The following TMEM114 variants were observed in gnomAD, a reference collection of about 807,000 sequenced individuals.
TMEM114 encodes claudin-26.
Under a neutral mutation model 6.2 loss-of-function variants are expected in TMEM114, and 6 were observed. The ratio of observed to expected loss-of-function variants is 0.97; its 90% confidence interval spans 0.53 to 1.91. The LOEUF is 1.91. Ranked by LOEUF, TMEM114 falls within the 40% of genes most tolerant of loss-of-function variation. The pLI is 0.01. For missense variants in TMEM114, 218 were observed against 158.3 expected, an observed-to-expected ratio of 1.38 and a Z score of -2.02; for synonymous variants, 104 against 73.0, an observed-to-expected ratio of 1.42 and a Z score of -2.16.
At chr16:8,575,704 G>A (rs1304542141) in intron 2 of TMEM114, among the ~76,000 whole-genome samples, 1 of 152,216 alleles carries the variant, frequency 6.6e-6, no homozygotes, top group Non-Finnish European at 1.5e-5. Flanking sequence ...CACTTTACAG[G>A]ATTGTGTACT....
At chr16:8,564,215 G>GAGGAAATA (rs1901425093) in intron 2 of TMEM114, among the ~76,000 whole-genome samples, 1 of 133,736 alleles carries the variant, frequency 7.5e-6, no homozygotes, top group African/African-American at 2.9e-5. Context: ...GTGAATGAGT[G>GAGGAAATA]AGTTAGTGAA....
chr16:8,537,006 G>C (rs1457931755), downstream of TMEM114, among the ~76,000 whole-genome samples: 1 of 151,876 alleles, frequency 6.6e-6, no homozygotes, highest in African/African-American at 2.4e-5. Context: ...AGGAGTTGGA[G>C]ACCAGCCTGG....
intron 2 of TMEM114, among the ~76,000 whole-genome samples, chr16:8,578,670 C>A (rs8047196): frequency 1.3e-5 from 2 of 151,956 alleles, no homozygotes; most frequent in Admixed American, 1.3e-4. Context: ...GGTTATTACA[C>A]GGAATTACTA....
intron 2 of TMEM114, among the ~76,000 whole-genome samples, chr16:8,578,551 C>T (rs1195866974): frequency 1.3e-5 from 2 of 152,188 alleles, no homozygotes; most frequent in South Asian, 2.1e-4. Context: ...AAGTCACATT[C>T]GCAGGTACTG....
At chr16:8,553,057 T>G (rs1486365473) in intron 2 of TMEM114, among the ~76,000 whole-genome samples, 4 of 152,230 alleles carry the variant, frequency 2.6e-5, no homozygotes, top group African/African-American at 9.6e-5. Flanking sequence ...CAGGTTTTTC[T>G]TCCGACTTCT....
At chr16:8,561,929 TGAG>T (rs1596477795) in intron 2 of TMEM114, among the ~76,000 whole-genome samples, 1 of 19,532 alleles carries the variant, frequency 5.1e-5, no homozygotes, top group East Asian at 3.0e-3. Flanking sequence ...AGTGAATGAG[TGAG>T]TGAGTAAGTG....
chr16:8,564,293 G>A (rs1456405311), intron 2 of TMEM114, among the ~76,000 whole-genome samples: 5 of 144,664 alleles, frequency 3.5e-5, no homozygotes, highest in Admixed American at 6.9e-5. Flanking sequence ...GATGAAATAA[G>A]TGAATGAGTG....
chr16:8,557,625 C>T (rs951157105), intron 2 of TMEM114, among the ~76,000 whole-genome samples: 2 of 152,222 alleles, frequency 1.3e-5, no homozygotes, highest in African/African-American at 4.8e-5. Context: ...CCCTTAAGAA[C>T]ACAGGTGCTG....
chr16:8,563,325 A>ATGAGTGAGTGAATGGG (rs1901353947), intron 2 of TMEM114, among the ~76,000 whole-genome samples: 1 of 115,788 alleles, frequency 8.6e-6, no homozygotes, highest in Admixed American at 8.5e-5. Context: ...GAGGGAGGGT[A>ATGAGTGAGTGAATGGG]TGAGTGAGTG....
chr16:8,557,034 G>C, intron 2 of TMEM114, among the ~76,000 whole-genome samples: 1 of 152,138 alleles, frequency 6.6e-6, no homozygotes, highest in East Asian at 1.9e-4. Context: ...TAATGAATCG[G>C]TGAGGCTTGA....
chr16:8,569,789 T>C lies in TMEM114; in HGVS notation c.656A>G (p.Gln219Arg), dbSNP rs373584493. 1 of 1,550,490 alleles carries C rather than the reference T, an allele frequency of 6.4e-7. No individual in the cohort carries two copies. Among genetic ancestry groups the C allele is most frequent in the African/African-American group, 1.4e-5 (1 of 73,136 alleles). ...AARELSLRRR[Q>R]DQAI The stretch of plus-strand genomic sequence containing the variant: ...CGCCCAGGCTCATATGGCCTGGTCC[T>C]GCCTCCGTCTCAGGCTGAGCTCGCG... Residue 219 changes from glutamine (Q) to arginine (R), a missense_variant, in exon 4 of 4, where the codon CAG becomes CGG. Transcript: ENST00000620492.
intron 1 of TMEM114, 149 bp downstream of exon 1, chr16:8,589,470 C>G: frequency 2.5e-6 from 1 of 397,996 alleles, no homozygotes; most frequent in Non-Finnish European, 4.4e-6. Flanking sequence ...CAGTCCCGGC[C>G]TTCTGCTCAC....
intron 2 of TMEM114, among the ~76,000 whole-genome samples, chr16:8,552,720 A>G (rs1156920011): frequency 6.7e-6 from 1 of 150,286 alleles, no homozygotes; most frequent in African/African-American, 2.5e-5. Flanking sequence ...AAAAAAAAAA[A>G]GACAATGGCT....
intron 2 of TMEM114, among the ~76,000 whole-genome samples, chr16:8,553,484 C>T (rs187245716): frequency 0.032 from 4,100 of 127,032 alleles, 189 homozygotes; most frequent in African/African-American, 0.12. Flanking sequence ...GCAGTCTCAG[C>T]TTTTCTTTCT....
chr16:8,568,786 T>TA (rs1364002401), downstream of TMEM114, among the ~76,000 whole-genome samples: 1 of 152,184 alleles, frequency 6.6e-6, no homozygotes, highest in Non-Finnish European at 1.5e-5. Flanking sequence ...GGAGAGCTCT[T>TA]AAAAAACACT....
At chr16:8,561,834 G>C (rs576671803) in intron 2 of TMEM114, among the ~76,000 whole-genome samples, 2 of 151,364 alleles carry the variant, frequency 1.3e-5, no homozygotes, top group African/African-American at 4.9e-5. Flanking sequence ...ATGAGTGAGT[G>C]AATGAGTGAG....
chr16:8,555,156 T>C lies in TMEM114; in HGVS notation n.213-17330A>G, dbSNP rs771417533. On this transcript the variant is annotated intron_variant and non_coding_transcript_variant, in intron 2 of 2. Coordinates refer to the TMEM114 transcript ENST00000623677. The stretch of plus-strand genomic sequence containing the variant: ...CATGCACATTTCCTGAGCTCTTCTC[T>C]CTTCACATGTGATGCTGACTTTCTG... Among the ~76,000 whole-genome samples the C allele has an allele frequency of 3.9e-5, 6 of 152,336 alleles. No individual in the cohort carries two copies. The East Asian group carries it at 9.7e-4, about 25-fold the overall frequency.
chr16:8,560,179 G>T (rs1222740908), intron 2 of TMEM114, among the ~76,000 whole-genome samples: 4 of 148,368 alleles, frequency 2.7e-5, no homozygotes, highest in Non-Finnish European at 4.5e-5. Context: ...TTTTTTTTTT[G>T]TAGAGATGGG....
At chr16:8,560,720 G>A (rs1272114164) in intron 2 of TMEM114, among the ~76,000 whole-genome samples, 4 of 152,206 alleles carry the variant, frequency 2.6e-5, no homozygotes, top group Admixed American at 2.0e-4. Flanking sequence ...AACATGCTTG[G>A]CAAGTTTCCA....
Sources: allele counts gnomAD v4.1 joint callset (sites outside exome capture counted in the v4.1 genomes callset), GRCh38; gene constraint gnomAD v4.1.1; transcripts MANE v1.5; gene names NCBI Gene and HGNC (gene_info 2026-07-23, HGNC 2026-07-21).